The following SND1 variants were observed in gnomAD, a reference collection of about 807,000 sequenced individuals.
SND1 encodes staphylococcal nuclease and tudor domain containing 1, also known as staphylococcal nuclease domain-containing protein 1.
Under a neutral mutation model 121.7 loss-of-function variants are expected in SND1, and 38 were observed. The observed-to-expected ratio is 0.31, with a 90% CI of 0.24 to 0.41. SND1 has a LOEUF of 0.41. Among genes scored for constraint, SND1 ranks in the 10% least tolerant of loss-of-function variants. SND1 has a pLI of 1.00. For synonymous variants in SND1, 401 were observed against 447.4 expected (o/e 0.90, Z 1.31); for missense variants, 868 against 1,184.6 (o/e 0.73, Z 3.92).
intron 11 of SND1, among the ~76,000 whole-genome samples, chr7:127,843,002 C>T (rs539710342): frequency 2.2e-4 from 34 of 152,242 alleles, no homozygotes; most frequent in African/African-American, 8.2e-4. Flanking sequence ...TGTTGCAAAC[C>T]TCTTCTCTGT....
At chr7:127,936,334 G>A (rs1801062298) in intron 15 of SND1, among the ~76,000 whole-genome samples, 1 of 152,138 alleles carries the variant, frequency 6.6e-6, no homozygotes, top group Non-Finnish European at 1.5e-5. Flanking sequence ...GCCTGCATTT[G>A]TTAAAAAGCA....
chr7:127,858,360 T>TA, intron 12 of SND1: 1 of 1,357,670 alleles, frequency 7.4e-7, no homozygotes, highest in Non-Finnish European at 1.0e-6. Context: ...CTCAGTGCCC[T>TA]AGCCACTGTC....
intron 13 of SND1, among the ~76,000 whole-genome samples, chr7:127,903,911 A>C (rs747156787): frequency 6.6e-6 from 1 of 152,212 alleles, no homozygotes; most frequent in Non-Finnish European, 1.5e-5. Context: ...CCTAATCTCT[A>C]GTTCTCTATC....
At chr7:127,947,793 G>A (rs1801361328) in intron 15 of SND1, among the ~76,000 whole-genome samples, 1 of 152,268 alleles carries the variant, frequency 6.6e-6, no homozygotes, top group Admixed American at 6.5e-5. Flanking sequence ...ATGTGTCCTT[G>A]TCCTCATTGA....
intron 16 of SND1, among the ~76,000 whole-genome samples, chr7:128,062,535 A>G (rs1793248093): frequency 6.6e-6 from 1 of 152,186 alleles, no homozygotes; most frequent in Admixed American, 6.5e-5. Flanking sequence ...GGCGTTTCTT[A>G]TATTCAGTTT....
intron 14 of SND1, among the ~76,000 whole-genome samples, chr7:127,921,734 G>T (rs1359035420): frequency 6.6e-6 from 1 of 152,066 alleles, no homozygotes; most frequent in African/African-American, 2.4e-5. Context: ...ATTCCTTTTA[G>T]AGTCAACTTC....
At chr7:127,711,219 G>T (rs1425721246) in intron 9 of SND1, among the ~76,000 whole-genome samples, 1 of 152,138 alleles carries the variant, frequency 6.6e-6, no homozygotes, top group South Asian at 2.1e-4. Context: ...AGCTAGGATT[G>T]CTGGATCTCA....
intron 10 of SND1, among the ~76,000 whole-genome samples, chr7:127,734,181 T>C (rs1266618066): frequency 6.6e-6 from 1 of 152,126 alleles, no homozygotes; most frequent in Non-Finnish European, 1.5e-5. Context: ...GATTCCCCGC[T>C]CCAGGTCTCA....
chr7:127,874,353 C>CT (rs1799651819), intron 12 of SND1, among the ~76,000 whole-genome samples: 1 of 152,098 alleles, frequency 6.6e-6, no homozygotes, highest in Non-Finnish European at 1.5e-5. Flanking sequence ...CTTTCAAACA[C>CT]ATATTGAAAG....
intron 10 of SND1, among the ~76,000 whole-genome samples, chr7:127,749,044 T>G (rs919426012): frequency 5.5e-5 from 1 of 18,214 alleles, no homozygotes; most frequent in African/African-American, 1.1e-4. Context: ...TTTTCTTTCG[T>G]TTTTTTTTTT....
At chr7:127,760,657 C>G (rs373376989) in intron 10 of SND1, among the ~76,000 whole-genome samples, 1 of 152,232 alleles carries the variant, frequency 6.6e-6, no homozygotes, top group African/African-American at 2.4e-5. Context: ...AGGCACCTCT[C>G]TGCCATACAT....
At chr7:127,916,761 A>G (rs573752939) in intron 14 of SND1, among the ~76,000 whole-genome samples, 3 of 152,350 alleles carry the variant, frequency 2.0e-5, no homozygotes, top group Admixed American at 6.5e-5. Context: ...TCCAGTGGAC[A>G]GTGCAATTCC....
chr7:127,786,804 C>A (rs889184418), intron 10 of SND1, among the ~76,000 whole-genome samples: 1 of 152,052 alleles, frequency 6.6e-6, no homozygotes, highest in East Asian at 1.9e-4. Flanking sequence ...CCACCATGCC[C>A]GGCTAATTTT....
intron 14 of SND1, among the ~76,000 whole-genome samples, chr7:127,913,731 G>A (rs1011167838): frequency 5.3e-5 from 8 of 152,180 alleles, no homozygotes; most frequent in African/African-American, 1.7e-4. Flanking sequence ...GCTGAGTGAT[G>A]TGATAAAATT....
chr7:128,031,719 G>GGGCGGGCGCGGGTCCGGC (rs1792610640), intron 16 of SND1: 1 of 145,738 alleles, frequency 6.9e-6, no homozygotes, highest in Non-Finnish European at 1.5e-5. Context: ...GAGAGTCCGG[G>GGGCGGGCGCGGGTCCGGC]GGCGGGCGCG....
chr7:127,866,188 A>G (rs73465835), intron 12 of SND1, among the ~76,000 whole-genome samples: 1 of 152,220 alleles, frequency 6.6e-6, no homozygotes, highest in East Asian at 1.9e-4. Context: ...AAGAGAAGCC[A>G]AGAACCTAGA....
intron 1 of SND1, among the ~76,000 whole-genome samples, chr7:127,681,664 G>A (rs1483543134): frequency 1.3e-5 from 2 of 151,982 alleles, no homozygotes; most frequent in African/African-American, 2.4e-5. Flanking sequence ...TTTGTATATG[G>A]TATGACGTAG....
chr7:127,914,150 T>C (rs1800518759), intron 14 of SND1, among the ~76,000 whole-genome samples: 1 of 152,190 alleles, frequency 6.6e-6, no homozygotes, highest in South Asian at 2.1e-4. Context: ...ATTTCTAAAT[T>C]GGAGGAAGAC....
At chr7:127,909,032 A>G (rs569906605) in intron 14 of SND1, among the ~76,000 whole-genome samples, 16 of 152,092 alleles carry the variant, frequency 1.1e-4, no homozygotes, top group Non-Finnish European at 2.2e-4. Context: ...CCACTTCTCC[A>G]TCTTCCTCTT....
Sources: gnomAD v4.1 joint callset for allele counts (sites outside exome capture counted in the v4.1 genomes callset) on GRCh38, gnomAD v4.1.1 for gene constraint, MANE v1.5 for transcripts, NCBI Gene and HGNC (gene_info 2026-07-23, HGNC 2026-07-21) for gene names.